ATP8A2: variants seen among roughly 807,000 people sequenced by gnomAD.
ATP8A2 encodes ATPase phospholipid transporting 8A2.
A neutral mutation model predicts 165.6 loss-of-function variants in ATP8A2; 100 were observed. The ratio of observed to expected loss-of-function variants is 0.60; its 90% CI spans 0.51 to 0.71. ATP8A2 has a LOEUF of 0.71. ATP8A2 is among the 30% of genes least tolerant of loss of function. ATP8A2 has a pLI of 0.00. For missense variants in ATP8A2, 1,227 were observed against 1,479.5 expected (o/e 0.83, Z 2.80); for synonymous variants, 543 against 548.8 (o/e 0.99, Z 0.15).
chr13:25,691,070 A>G (rs1247838445), intron 24 of ATP8A2, among the ~76,000 whole-genome samples: 2 of 152,266 alleles, frequency 1.3e-5, no homozygotes, highest in Non-Finnish European at 2.9e-5. Flanking sequence ...TGAAAGCATC[A>G]GGCTAGGTGA....
intron 1 of ATP8A2, among the ~76,000 whole-genome samples, chr13:25,438,022 A>G (rs1004191716): frequency 8.5e-5 from 13 of 152,196 alleles, no homozygotes; most frequent in Non-Finnish European, 1.5e-4. Context: ...TCTAATTACA[A>G]ACTATGTTCA....
Position 25,987,018 on chromosome 13 carries a change from T to C in ATP8A2, c.3377+18339T>C, listed in dbSNP as rs143550717. ...TATTTCATAATTTTTACAGATGATC[T>C]AGAGATAGGCCAAGTAATAATATGT... On this transcript the variant is annotated intron_variant, in intron 35 of 36. Transcript: ENST00000381655. 5.0e-3 allele frequency among the ~76,000 whole-genome samples: 764 copies of C among 152,336 alleles called. 11 individuals carry two copies. The highest frequency in any genetic ancestry group is 0.018 in the African/African-American group (730 of 41,568).
intron 28 of ATP8A2, among the ~76,000 whole-genome samples, chr13:25,836,182 GTTTGT>G (rs1951599662): frequency 6.9e-6 from 1 of 144,622 alleles, no homozygotes. Flanking sequence ...TTGTTTGTTT[GTTTGT>G]TTGTTTGTTT....
At chr13:25,699,725 C>T (rs757394800) in intron 25 of ATP8A2, among the ~76,000 whole-genome samples, 10 of 151,990 alleles carry the variant, frequency 6.6e-5, no homozygotes, top group Admixed American at 1.3e-4. Flanking sequence ...TCTTTTCTGG[C>T]GTTTGTTGGG....
At chr13:25,598,160 G>T (rs1447517841) in intron 24 of ATP8A2, among the ~76,000 whole-genome samples, 2 of 152,118 alleles carry the variant, frequency 1.3e-5, no homozygotes, top group Non-Finnish European at 2.9e-5. Flanking sequence ...CTGTGCTTTT[G>T]TTGGAAACCT....
At chr13:26,019,794 C>G in intron 36 of ATP8A2, 94 bp from the exon 37 acceptor site, 1 of 825,708 alleles carries the variant, frequency 1.2e-6, no homozygotes, top group Non-Finnish European at 2.1e-6. Context: ...TCGCACTCAC[C>G]CGCACGCTGC....
intron 25 of ATP8A2, among the ~76,000 whole-genome samples, chr13:25,733,509 C>T (rs1017520814): frequency 3.1e-5 from 4 of 127,352 alleles, no homozygotes; most frequent in Non-Finnish European, 6.8e-5. Flanking sequence ...CCATAAATGA[C>T]AAAAAGATAC....
chr13:25,665,419 C>T (rs971816216), intron 24 of ATP8A2, among the ~76,000 whole-genome samples: 1 of 152,042 alleles, frequency 6.6e-6, no homozygotes, highest in Admixed American at 6.6e-5. Flanking sequence ...TAGGGAGATC[C>T]TGTCTCTAAA....
intron 33 of ATP8A2, among the ~76,000 whole-genome samples, chr13:25,906,107 T>C (rs551027109): frequency 6.6e-6 from 1 of 152,294 alleles, no homozygotes; most frequent in African/African-American, 2.4e-5. Context: ...TTCCTCATCC[T>C]TTTTAAAATA....
chr13:25,426,860 C>T (rs753208043), intron 1 of ATP8A2, among the ~76,000 whole-genome samples: 22 of 152,024 alleles, frequency 1.4e-4, no homozygotes, highest in Admixed American at 7.2e-4. Context: ...AGAGGAGAAT[C>T]GACTGAATCT....
intron 24 of ATP8A2, among the ~76,000 whole-genome samples, chr13:25,645,894 T>C (rs2041658558): frequency 6.6e-6 from 1 of 152,174 alleles, no homozygotes; most frequent in Admixed American, 6.5e-5. Context: ...ACTCTGTTGT[T>C]GTTGGATGGA....
At chr13:25,726,442 G>A (rs2043495701) in intron 25 of ATP8A2, among the ~76,000 whole-genome samples, 1 of 152,214 alleles carries the variant, frequency 6.6e-6, no homozygotes. Flanking sequence ...GGGCTCTGGG[G>A]AGAATGTGTC....
chr13:25,960,325 G>A (rs899540964), intron 33 of ATP8A2, among the ~76,000 whole-genome samples: 2 of 152,156 alleles, frequency 1.3e-5, no homozygotes, highest in Admixed American at 6.5e-5. Context: ...GGTGAATCCT[G>A]CCCTCATTTT....
chr13:25,864,789 G>A (rs1235267802), intron 33 of ATP8A2, among the ~76,000 whole-genome samples: 7 of 152,142 alleles, frequency 4.6e-5, no homozygotes, highest in African/African-American at 1.2e-4. Context: ...TCTAGTGGCC[G>A]GACTTCCGAG....
intron 24 of ATP8A2, among the ~76,000 whole-genome samples, chr13:25,636,712 A>G (rs1011144774): frequency 1.3e-5 from 2 of 152,066 alleles, no homozygotes; most frequent in Non-Finnish European, 2.9e-5. Flanking sequence ...TGTGTTTATT[A>G]TTCCCTAGTT....
chr13:25,935,166 AC>A (rs1447428538), intron 33 of ATP8A2, among the ~76,000 whole-genome samples: 1 of 152,204 alleles, frequency 6.6e-6, no homozygotes, highest in Non-Finnish European at 1.5e-5. Flanking sequence ...CATTAAACTC[AC>A]CCTATTAAAT....
chr13:25,571,762 T>A (rs761563117), intron 18 of ATP8A2, 70 bp downstream of exon 18: 1 of 1,297,278 alleles, frequency 7.7e-7, no homozygotes, highest in South Asian at 1.2e-5. Flanking sequence ...AAATGGCATG[T>A]CTATTGTAAA....
chr13:25,479,396 G>T (rs1412354102), intron 2 of ATP8A2, among the ~76,000 whole-genome samples: 4 of 152,160 alleles, frequency 2.6e-5, no homozygotes, highest in African/African-American at 9.7e-5. Flanking sequence ...CTTTTACTAG[G>T]AATGTAAGTG....
intron 1 of ATP8A2, among the ~76,000 whole-genome samples, chr13:25,395,180 A>G (rs1263601224): frequency 6.6e-6 from 1 of 152,002 alleles, no homozygotes; most frequent in East Asian, 1.9e-4. Context: ...TGAACCTAGG[A>G]TGGTAGAGGG....
Sources: allele counts gnomAD v4.1 joint callset (sites outside exome capture counted in the v4.1 genomes callset), GRCh38; gene constraint gnomAD v4.1.1; transcripts MANE v1.5; gene names NCBI Gene and HGNC (gene_info 2026-07-23, HGNC 2026-07-21).